TREML1: variants seen among roughly 807,000 people sequenced by gnomAD.
The protein encoded by TREML1 is trem-like transcript 1 protein.
In TREML1, 27 loss-of-function variants were observed where a neutral mutation model predicts 22.8. The observed-to-expected ratio is 1.19, with a 90% CI of 0.87 to 1.64. The LOEUF (loss-of-function observed/expected upper bound fraction) is 1.64. Ranked by LOEUF, TREML1 falls within the 40% of genes most tolerant of loss-of-function variation. TREML1 has a pLI of 0.00. For synonymous variants in TREML1, 153 were observed against 161.9 expected (o/e 0.94, Z 0.42); for missense variants, 356 against 382.0 (o/e 0.93, Z 0.57).
intron 1 of TREML1, 45 bp downstream of exon 1, chr6:41,154,201 G>A: frequency 1.2e-6 from 2 of 1,603,400 alleles, no homozygotes; most frequent in Middle Eastern, 3.3e-4. Context: ...TGGACATGGG[G>A]CTGAGCATAT....
rs1329159881 is a variant in TREML1 at position 41,153,813 on chromosome 6, A to G, written c.321T>C (p.Asp107=). Reference sequence around the variant, plus strand: ...GCAAAATCTGGGGCCCCCTGGCCCCATCCACCATGCAGCCATACTCGCCAG... The same window carrying G: ...GCAAAATCTGGGGCCCCCTGGCCCCGTCCACCATGCAGCCATACTCGCCAG... ...EDAGEYGCMV[D]GARGPQILHR... The change falls in exon 2 of 6, where the codon GAT becomes GAC. Residue 107 remains aspartate (D), a synonymous_variant. Transcript: ENST00000426005. 6.2e-7 allele frequency: 1 copy of G among 1,614,046 alleles called. No individual in the cohort carries two copies.
intron 2 of TREML1, among the ~76,000 whole-genome samples, chr6:41,152,287 G>T (rs753925600): frequency 6.6e-6 from 1 of 152,108 alleles, no homozygotes; most frequent in South Asian, 2.1e-4. Context: ...TGGATGCTAC[G>T]CGCCACCTGC....
At chr6:41,150,761 A>G in intron 4 of TREML1, 58 bp downstream of exon 4, 1 of 1,514,658 alleles carries the variant, frequency 6.6e-7, no homozygotes, top group East Asian at 2.3e-5. Flanking sequence ...CCTCATCTGC[A>G]CAACTGGTTG....
intron 5 of TREML1, 106 bp from the exon 6 acceptor site, chr6:41,150,024 T>C: frequency 1.7e-6 from 2 of 1,188,946 alleles, no homozygotes; most frequent in East Asian, 4.9e-5. Flanking sequence ...CCTGAGTATA[T>C]CAGTGGGCAA....
intron 2 of TREML1, among the ~76,000 whole-genome samples, chr6:41,152,028 G>T (rs1242127215): frequency 6.6e-6 from 1 of 152,192 alleles, no homozygotes; most frequent in Non-Finnish European, 1.5e-5. Context: ...ACTTCTGGCT[G>T]CAGGACTTGG....
At position 41,154,279 on chromosome 6, in the gene TREML1, T is replaced by A; in HGVS notation, c.10A>T (p.Thr4Ser). The A allele has an allele frequency of 3.1e-6, 5 of 1,613,962 alleles. No homozygotes were observed. The highest frequency in any genetic ancestry group is 3.4e-6 in the Non-Finnish European group (4 of 1,179,974). Residue 4 changes from threonine to serine, a missense_variant, in exon 1 of 6, where the codon ACC (threonine) becomes TCC (serine). Physicochemically the swap from Thr to Ser is moderately conservative, Grantham distance 58 (BLOSUM62 1). Transcript: ENST00000426005. Reference sequence around the variant, plus strand: ...CCCAGGAGCAGCAGCAAGAGCAGGGTGAGGCCCATGGCTGGGCAGAGAAAT... The same window carrying A: ...CCCAGGAGCAGCAGCAAGAGCAGGGAGAGGCCCATGGCTGGGCAGAGAAAT... MGL[T>S]LLLLLLLGLE... is the part of the protein sequence containing the mutation.
In TREML1 at chr6:41,150,913, G is replaced by A. The variant is rs1305872976; in HGVS notation, c.480-6C>T. 6.2e-7 allele frequency: 1 copy of A among 1,613,680 alleles called. No homozygotes were observed. Among genetic ancestry groups the A allele is most frequent in the South Asian group, 1.1e-5 (1 of 91,004 alleles). ...CACCCCAGATCAAGGGGATGCTGAGGAACAGAAAGGGATAGGCAGGCTTAG... is the reference window on the plus strand; with the variant it reads ...CACCCCAGATCAAGGGGATGCTGAGAAACAGAAAGGGATAGGCAGGCTTAG... On this transcript the variant is annotated splice_region_variant and splice_polypyrimidine_tract_variant and intron_variant, in intron 3 of 5. Coordinates refer to ENST00000426005, the MANE Select transcript of TREML1 (RefSeq NM_178174.4).
Position 41,154,104 on chromosome 6 carries a change from G to A in TREML1, c.44-14C>T, listed in dbSNP as rs987913496. ...CTATGCCCTGACCTGGGGAAGGAAA[G>A]GAGGTGGGAATTTTGGGCAGGAGCT... is the stretch of plus-strand genomic sequence containing the variant. On this transcript the variant is annotated splice_polypyrimidine_tract_variant and intron_variant, in intron 1 of 5. Transcript: ENST00000426005. 12 of 1,604,622 alleles carry A rather than the reference G, an allele frequency of 7.5e-6. No individual in the cohort carries two copies. Among genetic ancestry groups the A allele is most frequent in the Non-Finnish European group, 1.0e-5 (12 of 1,174,792 alleles).
rs752865303 is a variant in TREML1, at chr6:41,149,800, C to A, written c.740G>T (p.Ser247Ile). The change falls in exon 6 of 6, where the codon AGC (serine) becomes ATC (isoleucine). Residue 247 changes from serine (S) to isoleucine (I), a missense_variant. Transcript: ENST00000426005. ...PPSFDNTTYT[S>I]LPLDSPSGKP... ...TCCTGATGGGGAATCAAGAGGTAGG[C>A]TGGTGTAGGTGGTATTGTCAAATGA... 2 of 1,614,078 alleles carry A rather than the reference C, an allele frequency of 1.2e-6. No individual in the cohort carries two copies. Among genetic ancestry groups the A allele is most frequent in the South Asian group, 2.2e-5 (2 of 91,076 alleles).
intron 2 of TREML1, among the ~76,000 whole-genome samples, chr6:41,152,829 C>T (rs1406730154): frequency 1.3e-5 from 2 of 152,006 alleles, no homozygotes; most frequent in Non-Finnish European, 2.9e-5. Flanking sequence ...GCCGATAGTG[C>T]CACTGCACTC....
chr6:41,151,150 G>C, intron 3 of TREML1, 132 bp downstream of exon 3: 1 of 814,088 alleles, frequency 1.2e-6, no homozygotes, highest in South Asian at 1.5e-5. Flanking sequence ...CTGTCTGTCT[G>C]TCTGTCCAGA....
At chr6:41,151,259 C>T in intron 3 of TREML1, 23 bp downstream of exon 3, 1 of 1,608,480 alleles carries the variant, frequency 6.2e-7, no homozygotes, top group Non-Finnish European at 8.5e-7. Flanking sequence ...CTCCTGGCCT[C>T]CCAAATCCAA....
Position 41,150,025 on chromosome 6 carries a change from C to T in TREML1, c.622-107G>A. 7 of 1,185,832 alleles carry T rather than the reference C, an allele frequency of 5.9e-6. No homozygotes were observed. In the South Asian group the frequency reaches 7.4e-5, roughly 13 times the overall value. The allele number at this position is 1,185,832 out of a possible 1,614,324, so 73.5% of individuals were successfully genotyped here. A position where few individuals can be genotyped will look rare whatever the true frequency, so the allele number is the denominator to read the frequency against. On this transcript the variant is annotated intron_variant, in intron 5 of 5. Coordinates refer to ENST00000426005, the MANE Select transcript of TREML1 (RefSeq NM_178174.4). Reference sequence around the variant, plus strand: ...TCTATCTCTTGAATCCTGAGTATATCAGTGGGCAAGAGGGCTTCATTGTGA... The same window carrying T: ...TCTATCTCTTGAATCCTGAGTATATTAGTGGGCAAGAGGGCTTCATTGTGA...
At chr6:41,149,296 A>C, downstream of TREML1, 1 of 281,938 alleles carries the variant, frequency 3.5e-6, no homozygotes, top group Non-Finnish European at 6.7e-6. Flanking sequence ...AGGCCAAGCA[A>C]TTAGTCAAAC....
Position 41,154,110 on chromosome 6 carries a change from G to A in TREML1, c.44-20C>T. The A allele has an allele frequency of 3.1e-6, 5 of 1,602,758 alleles. No individual in the cohort carries two copies. The highest frequency in any genetic ancestry group is 4.3e-6 in the Non-Finnish European group (5 of 1,174,024). ...CCTGACCTGGGGAAGGAAAGGAGGT[G>A]GGAATTTTGGGCAGGAGCTGGGAGC... is the stretch of plus-strand genomic sequence containing the variant. On this transcript the variant is annotated intron_variant, in intron 1 of 5. Transcript: ENST00000426005.
Position 41,151,385 on chromosome 6 carries a change from C to G in TREML1, c.377-1G>C. ...ATCTTATGGGTCTCTTCTTCTTCCTCTGTCAGGCCAGGAATGGAGTCAGAA... is the reference window on the plus strand; with the variant it reads ...ATCTTATGGGTCTCTTCTTCTTCCTGTGTCAGGCCAGGAATGGAGTCAGAA... On this transcript the variant is annotated splice_acceptor_variant, in intron 2 of 5. Transcript: ENST00000426005. LOFTEE classifies it high-confidence loss of function. 1 of 1,613,750 alleles carries G rather than the reference C, an allele frequency of 6.2e-7. No individual in the cohort carries two copies. Among genetic ancestry groups the G allele is most frequent in the Non-Finnish European group, 8.5e-7 (1 of 1,179,662 alleles).
chr6:41,150,902 G>A lies in TREML1; in HGVS notation c.485C>T (p.Pro162Leu), dbSNP rs749693948. ...LEPSQDEKSIPLIWGAVLLVG... is the reference protein window; with the variant it reads ...LEPSQDEKSILLIWGAVLLVG... ...CAGGAGCACAGCACCCCAGATCAAG[G>A]GGATGCTGAGGAACAGAAAGGGATA... The change falls in exon 4 of 6, where the codon CCC becomes CTC. Residue 162 changes from proline to leucine, a missense_variant. Transcript: ENST00000426005. 4 of 1,614,034 alleles carry A rather than the reference G, an allele frequency of 2.5e-6. No homozygotes were observed. Among genetic ancestry groups the A allele is most frequent in the East Asian group, 2.2e-5 (1 of 44,872 alleles).
chr6:41,150,009 TG>T (rs769068104), intron 5 of TREML1, 91 bp from the exon 6 acceptor site: 134 of 1,304,250 alleles, frequency 1.0e-4, no homozygotes, highest in Middle Eastern at 2.1e-4. Flanking sequence ...ATCTATCTCT[TG>T]AATCCTGAGT....
intron 4 of TREML1, 83 bp downstream of exon 4, chr6:41,150,736 G>A: frequency 1.6e-6 from 2 of 1,256,786 alleles, no homozygotes; most frequent in Non-Finnish European, 2.3e-6. Flanking sequence ...AGGGGGATTG[G>A]ACCTAGACTC....
Sources: gnomAD v4.1 joint callset for allele counts (sites outside exome capture counted in the v4.1 genomes callset) on GRCh38, gnomAD v4.1.1 for gene constraint, MANE v1.5 for transcripts, NCBI Gene and HGNC (gene_info 2026-07-23, HGNC 2026-07-21) for gene names.